Variants in GRIK1 observed in about 807,000 individuals in gnomAD.
GRIK1 encodes the protein glutamate receptor ionotropic, kainate 1.
Under a neutral mutation model 105.7 loss-of-function variants are expected in GRIK1, and 69 were observed. That is an observed-to-expected ratio of 0.65 (90% CI 0.54 to 0.80). GRIK1 has a LOEUF of 0.80. Among genes scored for constraint, GRIK1 ranks in the 30% least tolerant of loss-of-function variants. The pLI, the probability that GRIK1 is intolerant of heterozygous loss-of-function variation, is 0.00. For missense variants in GRIK1, 1,109 were observed against 1,167.3 expected, an observed-to-expected ratio of 0.95 and a Z score of 0.73; for synonymous variants, 438 against 431.3, an observed-to-expected ratio of 1.02 and a Z score of -0.19.
chr21:29,780,861 A>G (rs1182579737), intron 1 of GRIK1, among the ~76,000 whole-genome samples: 1 of 152,210 alleles, frequency 6.6e-6, no homozygotes, highest in Non-Finnish European at 1.5e-5. Context: ...AAATGATTAG[A>G]GACAATGTTT....
intron 1 of GRIK1, among the ~76,000 whole-genome samples, chr21:29,700,556 C>T (rs1430584463): frequency 2.0e-5 from 3 of 152,008 alleles, no homozygotes; most frequent in Non-Finnish European, 4.4e-5. Flanking sequence ...ATTCAGCAAT[C>T]TTAATATGAA....
intron 2 of GRIK1, among the ~76,000 whole-genome samples, chr21:29,693,004 G>A (rs2063614925): frequency 6.6e-6 from 1 of 152,140 alleles, no homozygotes; most frequent in Non-Finnish European, 1.5e-5. Flanking sequence ...AATTCTACAT[G>A]GAAACAACCA....
At chr21:29,573,404 C>T (rs2090804033) in intron 14 of GRIK1, among the ~76,000 whole-genome samples, 1 of 152,142 alleles carries the variant, frequency 6.6e-6, no homozygotes, top group African/African-American at 2.4e-5. Context: ...AGAACCCGCT[C>T]TTTTTATACT....
chr21:29,550,524 A>G (rs1487889847), intron 16 of GRIK1, among the ~76,000 whole-genome samples: 1 of 152,210 alleles, frequency 6.6e-6, no homozygotes, highest in African/African-American at 2.4e-5. Context: ...TACCATTGTC[A>G]TGCCCCAACT....
At chr21:29,541,160 G>C (rs984630213) in intron 16 of GRIK1, among the ~76,000 whole-genome samples, 1 of 152,118 alleles carries the variant, frequency 6.6e-6, no homozygotes, top group Non-Finnish European at 1.5e-5. Flanking sequence ...TAGAGATGTG[G>C]TTTCACCACG....
At chr21:29,573,874 T>G (rs76022537) in intron 14 of GRIK1, among the ~76,000 whole-genome samples, 6 of 142,622 alleles carry the variant, frequency 4.2e-5, no homozygotes, top group Admixed American at 1.4e-4. Context: ...AAAAAAAAAG[T>G]GACACTTTGT....
chr21:29,939,282 C>T (rs2071886382), intron 1 of GRIK1, 101 bp downstream of exon 1: 2 of 701,534 alleles, frequency 2.9e-6, no homozygotes, highest in African/African-American at 1.8e-5. Context: ...CCAGCTCCGG[C>T]TCCTGCGCCG....
At chr21:29,702,489 G>T (rs757042472) in intron 1 of GRIK1, among the ~76,000 whole-genome samples, 3 of 151,626 alleles carry the variant, frequency 2.0e-5, no homozygotes, top group Non-Finnish European at 2.9e-5. Flanking sequence ...AGGCAGATGG[G>T]TCACTTGAGG....
intron 7 of GRIK1, among the ~76,000 whole-genome samples, chr21:29,620,959 T>G (rs2061987778): frequency 6.7e-6 from 1 of 149,984 alleles, no homozygotes; most frequent in East Asian, 1.9e-4. Flanking sequence ...TTTATATAAT[T>G]CTACATATAC....
intron 1 of GRIK1, among the ~76,000 whole-genome samples, 179 bp downstream of exon 1, chr21:29,939,204 G>C (rs1351214243): frequency 6.6e-6 from 1 of 152,192 alleles, no homozygotes; most frequent in Non-Finnish European, 1.5e-5. Context: ...GCACCCTCCA[G>C]GAGGGAAGCA....
intron 1 of GRIK1, among the ~76,000 whole-genome samples, chr21:29,745,390 C>T (rs1172399522): frequency 6.6e-6 from 1 of 152,140 alleles, no homozygotes. Context: ...TAAGCTATGC[C>T]CAGATTCCTC....
intron 1 of GRIK1, among the ~76,000 whole-genome samples, chr21:29,847,424 G>T (rs1477267357): frequency 6.6e-6 from 1 of 152,028 alleles, no homozygotes; most frequent in East Asian, 1.9e-4. Flanking sequence ...TGAAACTTCC[G>T]TCTCTACTAA....
intron 7 of GRIK1, among the ~76,000 whole-genome samples, chr21:29,635,172 G>A (rs2409342): frequency 3.9e-5 from 6 of 152,004 alleles, no homozygotes; most frequent in African/African-American, 1.5e-4. Context: ...TGAGTGGCAG[G>A]CTCCATCGTA....
intron 1 of GRIK1, among the ~76,000 whole-genome samples, chr21:29,839,399 T>A (rs374260022): frequency 7.1e-4 from 108 of 152,270 alleles, no homozygotes; most frequent in African/African-American, 2.4e-3. Context: ...ATAAAGTTAC[T>A]CAAAATATTT....
chr21:29,756,866 C>A (rs1051911218), intron 1 of GRIK1, among the ~76,000 whole-genome samples: 8 of 152,144 alleles, frequency 5.3e-5, no homozygotes, highest in African/African-American at 1.9e-4. Flanking sequence ...GTAATCCCAG[C>A]ACTTTGGGAG....
chr21:29,580,555 G>A (rs907911922), intron 13 of GRIK1, among the ~76,000 whole-genome samples: 1 of 152,056 alleles, frequency 6.6e-6, no homozygotes, highest in African/African-American at 2.4e-5. Context: ...TCCCTAATGA[G>A]AAACCTTAGG....
At chr21:29,546,555 A>G (rs1322566614) in intron 16 of GRIK1, among the ~76,000 whole-genome samples, 3 of 152,238 alleles carry the variant, frequency 2.0e-5, no homozygotes, top group Non-Finnish European at 2.9e-5. Context: ...ACAGAGATTA[A>G]GGTAGTATCT....
intron 1 of GRIK1, among the ~76,000 whole-genome samples, chr21:29,929,415 CAA>C (rs1338711510): frequency 1.3e-5 from 2 of 152,308 alleles, no homozygotes; most frequent in Non-Finnish European, 2.9e-5. Flanking sequence ...ACCATCTTAA[CAA>C]AACCAATAAA....
chr21:29,701,776 G>A (rs752267191), intron 1 of GRIK1, among the ~76,000 whole-genome samples: 2 of 152,192 alleles, frequency 1.3e-5, no homozygotes, highest in South Asian at 4.1e-4. Context: ...GGTGAGAGAT[G>A]ATGATGGCTT....
Sources: allele counts gnomAD v4.1 joint callset (sites outside exome capture counted in the v4.1 genomes callset), GRCh38; gene constraint gnomAD v4.1.1; transcripts MANE v1.5; gene names NCBI Gene and HGNC (gene_info 2026-07-23, HGNC 2026-07-21).